Variants in SDK2 observed in about 807,000 individuals in gnomAD.
SDK2 encodes the protein sidekick cell adhesion molecule 2, also known as protein sidekick-2.
A neutral mutation model predicts 253.9 loss-of-function variants in SDK2; 105 were observed. The ratio of observed to expected loss-of-function variants is 0.41; its 90% confidence interval spans 0.35 to 0.49. The LOEUF is 0.49. Ranked by LOEUF, SDK2 falls within the 20% of genes least tolerant of loss-of-function variation. SDK2 has a pLI of 0.06. For missense variants in SDK2, 2,608 were observed against 3,003.0 expected (o/e 0.87, Z 3.07); for synonymous variants, 1,249 against 1,234.9 (o/e 1.01, Z -0.24).
chr17:73,509,444 T>C (rs1219274842), intron 1 of SDK2, among the ~76,000 whole-genome samples: 3 of 152,012 alleles, frequency 2.0e-5, no homozygotes, highest in East Asian at 1.9e-4. Context: ...AACTTTACCC[T>C]GTGAGCCTGG....
At chr17:73,427,417 TG>T (rs1247751664) in intron 12 of SDK2, among the ~76,000 whole-genome samples, 6 of 152,184 alleles carry the variant, frequency 3.9e-5, no homozygotes, top group African/African-American at 4.8e-5. Flanking sequence ...TGTTTACATA[TG>T]GCTGCTTTGG....
In SDK2 at chr17:73,536,571, G is replaced by A. The variant is rs143692803; in HGVS notation, c.65-28974C>T. Among the ~76,000 whole-genome samples, 422 of 152,334 alleles carry A rather than the reference G, an allele frequency of 2.8e-3. 2 individuals carry two copies. The highest frequency in any genetic ancestry group is 9.5e-3 in the African/African-American group (395 of 41,580). On this transcript the variant is annotated intron_variant, in intron 1 of 44. Transcript: ENST00000392650. ...TCAGGCAAGGGGAGAGCTGACCAGG[G>A]GGGCCACACAGAGACAGCTGGGGCT...
intron 1 of SDK2, among the ~76,000 whole-genome samples, chr17:73,533,219 C>T (rs2064184231): frequency 6.6e-6 from 1 of 152,220 alleles, no homozygotes; most frequent in Non-Finnish European, 1.5e-5. Flanking sequence ...CAGTCACTGC[C>T]TCCTGACCCC....
intron 18 of SDK2, among the ~76,000 whole-genome samples, chr17:73,403,432 C>T (rs2063045824): frequency 1.3e-5 from 2 of 152,130 alleles, no homozygotes; most frequent in South Asian, 4.2e-4. Flanking sequence ...CCCGCCCCCT[C>T]CCGCCTGTCT....
chr17:73,611,072 C>T (rs1349425369), intron 1 of SDK2, among the ~76,000 whole-genome samples: 2 of 152,232 alleles, frequency 1.3e-5, no homozygotes, highest in East Asian at 1.9e-4. Flanking sequence ...TCCAAGTCAT[C>T]GTGCCCTAGG....
chr17:73,605,135 C>T (rs751478762), intron 1 of SDK2, among the ~76,000 whole-genome samples: 2 of 151,990 alleles, frequency 1.3e-5, no homozygotes, highest in Non-Finnish European at 2.9e-5. Flanking sequence ...CTTGAAGCTT[C>T]GAAAAAGGGA....
intron 40 of SDK2, among the ~76,000 whole-genome samples, chr17:73,353,450 C>T (rs572205011): frequency 3.3e-5 from 5 of 152,100 alleles, no homozygotes; most frequent in Admixed American, 6.5e-5. Context: ...GACAGAGTTT[C>T]GCTCTTGTTG....
In SDK2 at chr17:73,507,512, G is replaced by A. The variant is rs752102703; in HGVS notation, c.150C>T (p.Ala50=). The A allele has an allele frequency of 3.9e-6, 6 of 1,551,504 alleles. No homozygotes were observed. The highest frequency in any genetic ancestry group is 3.9e-5 in the Admixed American group (2 of 50,976). Residue 50 remains alanine (A), a synonymous_variant, in exon 2 of 45, where the codon GCC becomes GCT. Transcript: ENST00000392650. Reference sequence around the variant, plus strand: ...TGAACTCCAGTGGCCAGCTGCCCTCGGCCATGCATGTAAGCACCAGGCGGT... The same window carrying A: ...TGAACTCCAGTGGCCAGCTGCCCTCAGCCATGCATGTAAGCACCAGGCGGT... ...EGNRLVLTCM[A]EGSWPLEFKW... is the part of the protein sequence containing the mutation.
At position 73,350,389 on chromosome 17, in the gene SDK2, G is replaced by A; in HGVS notation, c.5900-14C>T. 6.2e-7 allele frequency: 1 copy of A among 1,611,400 alleles called. No individual in the cohort carries two copies. The highest frequency in any genetic ancestry group is 1.3e-5 in the African/African-American group (1 of 74,988). The stretch of plus-strand genomic sequence containing the variant: ...TGGCACTGTTCCCTGAAGTCGGCGG[G>A]AGATTGACACCCTTTAGACTGTGTG... On this transcript the variant is annotated splice_polypyrimidine_tract_variant and intron_variant, in intron 42 of 44. Coordinates refer to ENST00000392650, the MANE Select transcript of SDK2 (RefSeq NM_001144952.2).
intron 1 of SDK2, among the ~76,000 whole-genome samples, chr17:73,608,738 A>C (rs1287854295): frequency 6.6e-6 from 1 of 152,094 alleles, no homozygotes; most frequent in Non-Finnish European, 1.5e-5. Context: ...CCACTGTGCC[A>C]GGCCTAAAAT....
At position 73,612,445 on chromosome 17, in the gene SDK2, C is replaced by T. The variant is rs373301610; in HGVS notation, c.64+31580G>A. 9.2e-5 allele frequency among the ~76,000 whole-genome samples: 14 copies of T among 152,296 alleles called. 1 individual carries two copies. In the East Asian group the frequency reaches 9.7e-4, roughly 11 times the overall value. ...GGCTGGCCTCCCAAGGTCCCCTACC[C>T]TCACTGGGTCCTTGTGGCCCTGCCG... On this transcript the variant is annotated intron_variant, in intron 1 of 44. Transcript: ENST00000392650. This position sits in a 1 kb window ranked among gnomAD's most constrained non-coding sequence, Gnocchi z 4.4.
chr17:73,518,443 C>G (rs1433375391), intron 1 of SDK2: 1 of 152,250 alleles, frequency 6.6e-6, no homozygotes, highest in Non-Finnish European at 1.5e-5. Flanking sequence ...GGAAAGAAGG[C>G]TGTTATTATT....
Position 73,455,782 on chromosome 17 carries a change from CAGGAGCTGAA to C in SDK2, c.479+114_479+123del. 9 of 1,126,594 alleles carry C rather than the reference CAGGAGCTGAA, an allele frequency of 8.0e-6. No homozygotes were observed. The highest frequency in any genetic ancestry group is 1.1e-5 in the Non-Finnish European group (9 of 827,174). The allele number at this position is 1,126,594 out of a possible 1,614,324, so 69.8% of individuals were successfully genotyped here. The stretch of plus-strand genomic sequence containing the variant: ...AGGTCCCCTACCTGGCTGTGTCCCA[CAGGAGCTGAA>C]AGGGGCTTCTGCACAAAGGCCCTCC... On this transcript the variant is annotated intron_variant, in intron 4 of 44. Transcript: ENST00000392650. The surrounding 1 kb of genome is among the most constrained non-coding windows in gnomAD (Gnocchi z 5.0).
chr17:73,423,436 A>G lies in SDK2; in HGVS notation c.1847T>C (p.Phe616Ser). 4 of 1,577,120 alleles carry G rather than the reference A, an allele frequency of 2.5e-6. No homozygotes were observed. Among genetic ancestry groups the G allele is most frequent in the Non-Finnish European group, 3.5e-6 (4 of 1,159,088 alleles). Reference sequence around the variant, plus strand: ...GCGGATCAGGGGGCTGTTGCCATCAAAGGGCTTGGTCCACGTCAGGTTGAT... The same window carrying G: ...GCGGATCAGGGGGCTGTTGCCATCAGAGGGCTTGGTCCACGTCAGGTTGAT... Reference protein sequence around the residue: ...RAINLTWTKPFDGNSPLIRYI... With the variant: ...RAINLTWTKPSDGNSPLIRYI... Residue 616 changes from phenylalanine (F) to serine (S), a missense_variant, in exon 14 of 45, where the codon TTT becomes TCT. By Grantham distance (155) the Phe-to-Ser change is radical. Coordinates refer to ENST00000392650, the MANE Select transcript of SDK2 (RefSeq NM_001144952.2).
chr17:73,472,024 G>A (rs1009407071), intron 3 of SDK2, 88 bp downstream of exon 3: 31 of 961,638 alleles, frequency 3.2e-5, no homozygotes, highest in Non-Finnish European at 4.3e-5. Context: ...GGCCATGACG[G>A]GATCTGGCTC....
intron 2 of SDK2, among the ~76,000 whole-genome samples, chr17:73,472,848 G>C (rs1286180336): frequency 6.6e-6 from 1 of 152,140 alleles, no homozygotes; most frequent in African/African-American, 2.4e-5. Flanking sequence ...TGATCTGATG[G>C]TTTTATAATG....
rs576742423 is a variant in SDK2, at chr17:73,506,760, G to A, written c.224+678C>T. 2.0e-5 allele frequency among the ~76,000 whole-genome samples: 3 copies of A among 152,348 alleles called. No homozygotes were observed. In the South Asian group the frequency reaches 6.2e-4, roughly 32 times the overall value. On this transcript the variant is annotated intron_variant, in intron 2 of 44. Coordinates refer to ENST00000392650, the MANE Select transcript of SDK2 (RefSeq NM_001144952.2). The stretch of plus-strand genomic sequence containing the variant: ...CCCCAGTCTGTGGCTGCGAGGAAAG[G>A]CTGGAGGCCAGGGTGGCCTGGGTGA...
intron 44 of SDK2, among the ~76,000 whole-genome samples, chr17:73,347,313 T>C (rs772489115): frequency 1.3e-5 from 2 of 152,118 alleles, no homozygotes; most frequent in Non-Finnish European, 2.9e-5. Context: ...TAAGTGGAGA[T>C]TGCGCCACTG....
At chr17:73,437,404 C>G (rs2063378758) in intron 8 of SDK2, among the ~76,000 whole-genome samples, 2 of 152,016 alleles carry the variant, frequency 1.3e-5, no homozygotes, top group East Asian at 3.9e-4. Flanking sequence ...TGAGATGCAC[C>G]CGGGGGCTGC....
Sources: gnomAD v4.1 joint callset for allele counts (sites outside exome capture counted in the v4.1 genomes callset) on GRCh38, gnomAD v4.1.1 for gene constraint, Gnocchi (gnomAD v3.1) non-coding constraint, MANE v1.5 for transcripts, NCBI Gene and HGNC (gene_info 2026-07-23, HGNC 2026-07-21) for gene names.